The following BIN1 variants were observed in gnomAD, a reference collection of about 807,000 sequenced individuals.
BIN1 encodes myc box-dependent-interacting protein 1.
Under a neutral mutation model 82.0 loss-of-function variants are expected in BIN1, and 53 were observed. The observed-to-expected ratio is 0.65, with a 90% CI of 0.52 to 0.81. The LOEUF (loss-of-function observed/expected upper bound fraction) is 0.81. Among genes scored for constraint, BIN1 ranks in the 40% least tolerant of loss-of-function variants. The pLI, the probability that BIN1 is intolerant of heterozygous loss-of-function variation, is 0.00. For missense variants in BIN1, 642 were observed against 784.4 expected (o/e 0.82, Z 2.17); for synonymous variants, 302 against 328.0 (o/e 0.92, Z 0.86).
chr2:127,105,738 T>C (rs1013365480), intron 1 of BIN1, among the ~76,000 whole-genome samples: 18 of 152,144 alleles, frequency 1.2e-4, no homozygotes, highest in Non-Finnish European at 2.2e-4. Flanking sequence ...TCATTGTTTA[T>C]AAACAGCCAC....
chr2:127,068,882 A>G lies in BIN1; in HGVS notation c.519+42T>C, dbSNP rs375202461. ...GGGTCCTAGACACCCGCCCTCTCTC[A>G]GCCCCCTGCAGACGCTGCCCCGACC... On this transcript the variant is annotated intron_variant, in intron 6 of 18. Coordinates refer to ENST00000316724, the MANE Select transcript of BIN1 (RefSeq NM_139343.3). The surrounding 1 kb of genome is among the most constrained non-coding windows in gnomAD (Gnocchi z 4.9). 40 of 1,568,642 alleles carry G rather than the reference A, an allele frequency of 2.5e-5. No individual in the cohort carries two copies. The East Asian group carries it at 2.9e-4, about 11-fold the overall frequency.
intron 10 of BIN1, among the ~76,000 whole-genome samples, 154 bp downstream of exon 10, chr2:127,061,961 C>T (rs552868350): frequency 1.1e-4 from 17 of 152,318 alleles, no homozygotes; most frequent in South Asian, 4.1e-4. Context: ...CCTCACCTGC[C>T]TCCCTGAGCA....
In BIN1 at chr2:127,107,012, A is replaced by T; in HGVS notation, c.-69T>A. On this transcript the variant is annotated 5_prime_UTR_variant, in exon 1 of 19. Coordinates refer to ENST00000316724, the MANE Select transcript of BIN1 (RefSeq NM_139343.3). The surrounding 1 kb of genome is among the most constrained non-coding windows in gnomAD (Gnocchi z 5.9). The stretch of plus-strand genomic sequence containing the variant: ...GGGAGATCTTGCGCGCCGCGCTCCC[A>T]GCCCCCAGCCCCGGCCGCGCGTCCA... 6.9e-7 allele frequency: 1 copy of T among 1,444,626 alleles called. No individual in the cohort carries two copies. Among genetic ancestry groups the T allele is most frequent in the Non-Finnish European group, 9.1e-7 (1 of 1,098,194 alleles). The allele number at this position is 1,444,626 out of a possible 1,614,324, so 89.5% of individuals were successfully genotyped here. A position where few individuals can be genotyped will look rare whatever the true frequency, so the allele number is the denominator to read the frequency against.
chr2:127,048,378 G>T lies in BIN1; in HGVS notation c.*148C>A. The T allele has an allele frequency of 1.4e-6, 1 of 732,880 alleles. No homozygotes were observed. The highest frequency in any genetic ancestry group is 1.8e-5 in the African/African-American group (1 of 56,576). The allele number at this position is 732,880 out of a possible 1,614,324, so 45.4% of individuals were successfully genotyped here. On this transcript the variant is annotated 3_prime_UTR_variant, in exon 19 of 19. Coordinates refer to ENST00000316724, the MANE Select transcript of BIN1 (RefSeq NM_139343.3). ...CTCTTTGGAAAACGACCTAATCTTT[G>T]GGAGAACGCCCCTCTGCCTGGGGGT...
At chr2:127,075,805 C>A (rs540431711) in intron 2 of BIN1, among the ~76,000 whole-genome samples, 14 of 119,292 alleles carry the variant, frequency 1.2e-4, no homozygotes, top group East Asian at 9.6e-4. Flanking sequence ...AGCTGCCCCC[C>A]CCACCGCCCT....
At position 127,107,129 on chromosome 2, in the gene BIN1, A is replaced by G; in HGVS notation, c.-186T>C. 2 of 573,324 alleles carry G rather than the reference A, an allele frequency of 3.5e-6. No homozygotes were observed. The highest frequency in any genetic ancestry group is 9.6e-5 in the South Asian group (2 of 20,908). The allele number at this position is 573,324 out of a possible 1,614,324, so 35.5% of individuals were successfully genotyped here. A position where few individuals can be genotyped will look rare whatever the true frequency, so the allele number is the denominator to read the frequency against. ...GGACGGGCGAGCGAGCCAGCGAGCT[A>G]GCCAGCGAGCGACGCGGGGACAGAG... On this transcript the variant is annotated 5_prime_UTR_variant, in exon 1 of 19. Coordinates refer to ENST00000316724, the MANE Select transcript of BIN1 (RefSeq NM_139343.3). The surrounding 1 kb of genome is among the most constrained non-coding windows in gnomAD (Gnocchi z 5.9).
chr2:127,098,074 T>A (rs1679825882), intron 1 of BIN1, among the ~76,000 whole-genome samples: 1 of 152,180 alleles, frequency 6.6e-6, no homozygotes. Flanking sequence ...GCACCCACAG[T>A]GGGCAGGTCA....
chr2:127,097,833 C>T (rs13019394), intron 1 of BIN1, among the ~76,000 whole-genome samples: 94,663 of 152,176 alleles, frequency 0.62, 29,940 homozygotes, highest in African/African-American at 0.73. Flanking sequence ...CTGCCCATCT[C>T]CTCAAACTCA....
chr2:127,081,820 T>C (rs1175722602), intron 1 of BIN1: 2 of 1,287,572 alleles, frequency 1.6e-6, no homozygotes, highest in South Asian at 1.2e-5. Context: ...AGAAAACGCA[T>C]AAGGCCCTCA....
chr2:127,091,930 G>A (rs947544536), intron 1 of BIN1, among the ~76,000 whole-genome samples: 1 of 151,862 alleles, frequency 6.6e-6, no homozygotes, highest in African/African-American at 2.4e-5. Context: ...CTGGTGGGTG[G>A]GGGGAATGGA....
At chr2:127,074,277 G>T (rs1686315826) in intron 2 of BIN1, among the ~76,000 whole-genome samples, 1 of 151,872 alleles carries the variant, frequency 6.6e-6, no homozygotes, top group Admixed American at 6.6e-5. Context: ...TTCCTTCCTG[G>T]TCCCCACACC....
intron 15 of BIN1, among the ~76,000 whole-genome samples, chr2:127,051,555 C>T (rs1288406595): frequency 1.3e-5 from 2 of 152,178 alleles, no homozygotes; most frequent in African/African-American, 4.8e-5. Flanking sequence ...CCTGCTCTCT[C>T]GGCACCAAGA....
At chr2:127,058,950 C>A in intron 11 of BIN1, 61 bp downstream of exon 11, 18 of 1,546,498 alleles carry the variant, frequency 1.2e-5, no homozygotes, top group Non-Finnish European at 1.6e-5. Flanking sequence ...TGGAGGACAA[C>A]AGCAAAGCCG....
intron 10 of BIN1, chr2:127,060,756 G>T: frequency 7.3e-7 from 1 of 1,369,090 alleles, no homozygotes; most frequent in Non-Finnish European, 1.0e-6. Context: ...AGGGGCAAAA[G>T]CCTCTCCTAA....
At position 127,057,453 on chromosome 2, in the gene BIN1, C is replaced by A; in HGVS notation, c.1131+20G>T. On this transcript the variant is annotated intron_variant, in intron 12 of 18. Coordinates refer to ENST00000316724, the MANE Select transcript of BIN1 (RefSeq NM_139343.3). This position sits in a 1 kb window ranked among gnomAD's most constrained non-coding sequence, Gnocchi z 5.0. ...AGGGCAGGAAGAGAGGAGAGCTGGG[C>A]CGCGGCGGCCGCGGCTGACCTGGGA... is the stretch of plus-strand genomic sequence containing the variant. The A allele has an allele frequency of 6.5e-7, 1 of 1,540,332 alleles. No individual in the cohort carries two copies. Among genetic ancestry groups the A allele is most frequent in the Non-Finnish European group, 8.8e-7 (1 of 1,141,298 alleles).
intron 7 of BIN1, chr2:127,064,862 T>TGCCCA (rs780738857): frequency 2.0e-5 from 3 of 152,316 alleles, no homozygotes; most frequent in Non-Finnish European, 4.4e-5. Flanking sequence ...CCCTGCCCGG[T>TGCCCA]GCCCAGCCCG....
chr2:127,077,106 C>A lies in BIN1; in HGVS notation c.85-400G>T, dbSNP rs190045252. ...CAGGGGAGGGGCCAAGCAGGAGCAG[C>A]CTCACTTCTCCGCATGACTCTATTC... On this transcript the variant is annotated intron_variant, in intron 1 of 18. Transcript: ENST00000316724. 5.9e-5 allele frequency among the ~76,000 whole-genome samples: 9 copies of A among 152,302 alleles called. No individual in the cohort carries two copies. The East Asian group carries it at 1.7e-3, about 30-fold the overall frequency.
intron 1 of BIN1, among the ~76,000 whole-genome samples, chr2:127,097,949 G>C (rs367658451): frequency 9.9e-5 from 15 of 151,976 alleles, no homozygotes; most frequent in East Asian, 9.7e-4. Flanking sequence ...CAGGTTCTGA[G>C]GAGGCTTCCC....
At chr2:127,055,752 CG>C (rs1249607632) in intron 12 of BIN1, 4 of 152,336 alleles carry the variant, frequency 2.6e-5, no homozygotes, top group African/African-American at 7.2e-5. Flanking sequence ...GGTGGCACCT[CG>C]CCATGCAGGC....
Sources: gnomAD v4.1 joint callset for allele counts (sites outside exome capture counted in the v4.1 genomes callset) on GRCh38, gnomAD v4.1.1 for gene constraint, Gnocchi (gnomAD v3.1) non-coding constraint, MANE v1.5 for transcripts, NCBI Gene and HGNC (gene_info 2026-07-23, HGNC 2026-07-21) for gene names.